The following GUCY1A2 variants were observed in gnomAD, a reference collection of about 807,000 sequenced individuals.
GUCY1A2 encodes the protein guanylate cyclase 1 soluble subunit alpha 2, also known as guanylate cyclase soluble subunit alpha-2.
In GUCY1A2, 27 loss-of-function variants were observed where a neutral mutation model predicts 63.5. The ratio of observed to expected loss-of-function variants is 0.43; its 90% confidence interval spans 0.31 to 0.59. The LOEUF is 0.59. GUCY1A2 is among the 20% of genes least tolerant of loss of function. GUCY1A2 has a pLI of 0.11. For missense variants in GUCY1A2, 768 were observed against 913.3 expected (o/e 0.84, Z 2.05); for synonymous variants, 364 against 343.5 (o/e 1.06, Z -0.66).
chr11:106,832,378 CTTTA>C (rs1267492074), intron 4 of GUCY1A2, among the ~76,000 whole-genome samples: 1 of 152,084 alleles, frequency 6.6e-6, no homozygotes, highest in African/African-American at 2.4e-5. Context: ...GTATTAGAGA[CTTTA>C]TTTCTTTTTG....
chr11:106,872,172 A>G (rs1403033750), intron 4 of GUCY1A2, among the ~76,000 whole-genome samples: 1 of 152,206 alleles, frequency 6.6e-6, no homozygotes, highest in Non-Finnish European at 1.5e-5. Context: ...TTGAACAAGA[A>G]TAAATGTAAA....
At chr11:106,871,239 T>G (rs1314188944) in intron 4 of GUCY1A2, among the ~76,000 whole-genome samples, 2 of 152,114 alleles carry the variant, frequency 1.3e-5, no homozygotes, top group Non-Finnish European at 2.9e-5. Context: ...AGAATTAAGA[T>G]GAGTATATTT....
intron 6 of GUCY1A2, among the ~76,000 whole-genome samples, chr11:106,760,807 G>A (rs1169279780): frequency 6.6e-6 from 1 of 151,924 alleles, no homozygotes; most frequent in Non-Finnish European, 1.5e-5. Flanking sequence ...GTTAAAAGGA[G>A]AAAAAAATCC....
intron 7 of GUCY1A2, among the ~76,000 whole-genome samples, chr11:106,701,783 G>A (rs1015563464): frequency 1.3e-5 from 2 of 152,098 alleles, no homozygotes; most frequent in Admixed American, 1.3e-4. Context: ...GAGTTTGAAT[G>A]TTCCTCACAC....
chr11:106,972,269 T>C (rs1861205531), intron 3 of GUCY1A2, among the ~76,000 whole-genome samples: 1 of 152,164 alleles, frequency 6.6e-6, no homozygotes, highest in African/African-American at 2.4e-5. Flanking sequence ...TATTAATGTA[T>C]GATGTCAAAT....
chr11:106,734,067 T>C (rs1466269773), intron 6 of GUCY1A2, among the ~76,000 whole-genome samples: 7 of 152,154 alleles, frequency 4.6e-5, no homozygotes, highest in Non-Finnish European at 7.4e-5. Context: ...TTCTTTTCTG[T>C]TTGTAAAACA....
At chr11:106,773,838 GTTC>G (rs1713235492) in intron 6 of GUCY1A2, among the ~76,000 whole-genome samples, 1 of 152,022 alleles carries the variant, frequency 6.6e-6, no homozygotes, top group African/African-American at 2.4e-5. Context: ...TAATTTTTTA[GTTC>G]TTCTTAACAG....
intron 2 of GUCY1A2, among the ~76,000 whole-genome samples, chr11:106,984,665 G>T (rs1375426149): frequency 1.3e-5 from 2 of 152,022 alleles, no homozygotes; most frequent in Admixed American, 6.6e-5. Flanking sequence ...TAATAATAAC[G>T]ATAAACATAA....
At chr11:106,947,739 A>G (rs1019040340) in intron 3 of GUCY1A2, among the ~76,000 whole-genome samples, 1 of 152,080 alleles carries the variant, frequency 6.6e-6, no homozygotes, top group African/African-American at 2.4e-5. Context: ...GGGAAAGTCA[A>G]AATTGGAATT....
Position 106,799,798 on chromosome 11 carries a change from AC to A in GUCY1A2, c.1692+10194del, listed in dbSNP as rs1216455136. Among the ~76,000 whole-genome samples, 7 of 152,264 alleles carry A rather than the reference AC, an allele frequency of 4.6e-5. No individual in the cohort carries two copies. The East Asian group carries it at 9.6e-4, about 21-fold the overall frequency. On this transcript the variant is annotated intron_variant, in intron 5 of 7. Coordinates refer to ENST00000526355, the MANE Select transcript of GUCY1A2 (RefSeq NM_000855.3). ...AAAACCATAAAAACCCTAGAAGAAA[AC>A]CTAGGCAATACCATTCAGGACATAG...
chr11:106,787,411 C>CTT (rs1455230243), intron 5 of GUCY1A2, among the ~76,000 whole-genome samples: 1 of 11,210 alleles, frequency 8.9e-5, no homozygotes, highest in Non-Finnish European at 1.5e-4. Flanking sequence ...ATTTGCCTTA[C>CTT]TTTGTTTTTT....
intron 1 of GUCY1A2, among the ~76,000 whole-genome samples, chr11:107,000,102 G>A (rs1004409874): frequency 6.6e-6 from 1 of 152,116 alleles, no homozygotes; most frequent in Non-Finnish European, 1.5e-5. Flanking sequence ...CCTTCAGCAG[G>A]AAAGTTAGGT....
At chr11:106,797,346 G>A (rs1040484081) in intron 5 of GUCY1A2, among the ~76,000 whole-genome samples, 8 of 151,874 alleles carry the variant, frequency 5.3e-5, no homozygotes, top group Middle Eastern at 3.2e-3. Context: ...GGGGAGAGGC[G>A]CTCTGATCAA....
intron 1 of GUCY1A2, among the ~76,000 whole-genome samples, chr11:107,015,539 G>A (rs924583090): frequency 2.1e-3 from 199 of 96,254 alleles, no homozygotes; most frequent in African/African-American, 8.0e-3. Context: ...TTACTTTTTA[G>A]AAATCTGTAA....
At chr11:106,943,767 A>T (rs1393267268) in intron 3 of GUCY1A2, among the ~76,000 whole-genome samples, 1 of 152,184 alleles carries the variant, frequency 6.6e-6, no homozygotes, top group East Asian at 1.9e-4. Flanking sequence ...AAGACACATG[A>T]CTTTCTCTCA....
intron 4 of GUCY1A2, among the ~76,000 whole-genome samples, chr11:106,855,477 C>CA (rs1859416534): frequency 2.0e-5 from 3 of 151,594 alleles, no homozygotes; most frequent in Non-Finnish European, 4.4e-5. Flanking sequence ...TGTTTTGGTC[C>CA]TTTTTTTTGT....
At chr11:106,995,867 T>A (rs1037309325) in intron 1 of GUCY1A2, among the ~76,000 whole-genome samples, 3 of 152,204 alleles carry the variant, frequency 2.0e-5, no homozygotes, top group Non-Finnish European at 4.4e-5. Context: ...ATGGATCTCA[T>A]GAGAAAATCA....
intron 3 of GUCY1A2, among the ~76,000 whole-genome samples, chr11:106,953,511 G>T (rs935442670): frequency 6.6e-6 from 1 of 152,118 alleles, no homozygotes; most frequent in African/African-American, 2.4e-5. Context: ...CCTAATTTTG[G>T]TATCAGGATG....
At chr11:106,863,406 C>T (rs1027801331) in intron 4 of GUCY1A2, among the ~76,000 whole-genome samples, 5 of 152,052 alleles carry the variant, frequency 3.3e-5, no homozygotes, top group Non-Finnish European at 7.4e-5. Flanking sequence ...ATCCTTTTCC[C>T]ATTGTTTGTT....
Sources: allele counts gnomAD v4.1 joint callset (sites outside exome capture counted in the v4.1 genomes callset), GRCh38; gene constraint gnomAD v4.1.1; transcripts MANE v1.5; gene names NCBI Gene and HGNC (gene_info 2026-07-23, HGNC 2026-07-21).